RIMS2: variants seen among roughly 807,000 people sequenced by gnomAD.
RIMS2 encodes regulating synaptic membrane exocytosis protein 2.
In RIMS2, 59 loss-of-function variants were observed where a neutral mutation model predicts 174.4. That is an observed-to-expected ratio of 0.34 (90% CI 0.27 to 0.42). RIMS2 has a LOEUF of 0.42. RIMS2 is among the 10% of genes least tolerant of loss of function. RIMS2 has a pLI of 1.00. For synonymous variants in RIMS2, 606 were observed against 572.5 expected (o/e 1.06, Z -0.84); for missense variants, 1,620 against 1,666.3 (o/e 0.97, Z 0.48).
intron 1 of RIMS2, among the ~76,000 whole-genome samples, chr8:103,502,733 A>G (rs964594572): frequency 6.6e-6 from 1 of 152,126 alleles, no homozygotes; most frequent in African/African-American, 2.4e-5. Context: ...ATTGATAAAA[A>G]TCAGTGCGGC....
intron 3 of RIMS2, among the ~76,000 whole-genome samples, chr8:103,855,615 C>A (rs140483179): frequency 1.1e-4 from 17 of 151,988 alleles, no homozygotes; most frequent in African/African-American, 4.1e-4. Context: ...TCAGTGTTTA[C>A]CTATGAGTTA....
At chr8:104,139,959 T>C (rs553228346) in intron 19 of RIMS2, among the ~76,000 whole-genome samples, 10 of 152,148 alleles carry the variant, frequency 6.6e-5, no homozygotes, top group Admixed American at 4.6e-4. Flanking sequence ...TTTTTGAAGG[T>C]TTTCATCCTG....
chr8:104,034,569 A>G (rs1171084520), intron 19 of RIMS2, among the ~76,000 whole-genome samples: 2 of 148,334 alleles, frequency 1.3e-5, no homozygotes, highest in African/African-American at 5.0e-5. Context: ...CTCCTGGTTC[A>G]AGCGATTCTC....
chr8:104,238,875 A>G (rs534737755), intron 19 of RIMS2, among the ~76,000 whole-genome samples: 1 of 152,366 alleles, frequency 6.6e-6, no homozygotes, highest in South Asian at 2.1e-4. Context: ...ATGCAAAAAT[A>G]GCAACTCGTT....
intron 1 of RIMS2, among the ~76,000 whole-genome samples, chr8:103,590,202 A>G (rs2133265310): frequency 6.6e-6 from 1 of 151,498 alleles, no homozygotes; most frequent in South Asian, 2.1e-4. Context: ...CCATAAATAT[A>G]TACACCTACT....
intron 1 of RIMS2, among the ~76,000 whole-genome samples, chr8:103,598,474 G>C (rs568853093): frequency 6.6e-6 from 1 of 152,088 alleles, no homozygotes; most frequent in African/African-American, 2.4e-5. Flanking sequence ...ATTCATTGAG[G>C]TAATAATTTT....
At chr8:103,609,999 G>A (rs1488535420) in intron 1 of RIMS2, among the ~76,000 whole-genome samples, 2 of 152,076 alleles carry the variant, frequency 1.3e-5, no homozygotes, top group African/African-American at 4.8e-5. Context: ...TGTCATCTCT[G>A]ATTTCTTTGA....
At chr8:104,025,446 C>CA (rs1247396658) in intron 19 of RIMS2, among the ~76,000 whole-genome samples, 3 of 152,116 alleles carry the variant, frequency 2.0e-5, no homozygotes, top group Non-Finnish European at 2.9e-5. Context: ...GTGACTGCAC[C>CA]ACCACACTCC....
At chr8:103,607,217 C>T (rs1350052256) in intron 1 of RIMS2, among the ~76,000 whole-genome samples, 3 of 151,884 alleles carry the variant, frequency 2.0e-5, no homozygotes, top group African/African-American at 4.8e-5. Context: ...AATCTCTCAG[C>T]GTTTGCTTGT....
intron 3 of RIMS2, among the ~76,000 whole-genome samples, chr8:103,835,488 A>G (rs1035981392): frequency 1.3e-5 from 2 of 152,208 alleles, no homozygotes; most frequent in Non-Finnish European, 2.9e-5. Flanking sequence ...ACTTGGTGTC[A>G]TCTTCCTCGA....
intron 1 of RIMS2, among the ~76,000 whole-genome samples, chr8:103,629,786 A>C (rs756883925): frequency 2.0e-5 from 3 of 152,138 alleles, no homozygotes; most frequent in Non-Finnish European, 4.4e-5. Context: ...TGAGCTCAAT[A>C]GCAGGACAAG....
intron 19 of RIMS2, among the ~76,000 whole-genome samples, chr8:104,229,620 G>A (rs1661303233): frequency 6.6e-6 from 1 of 152,110 alleles, no homozygotes; most frequent in African/African-American, 2.4e-5. Context: ...GTCTTTGCAT[G>A]GCTGCTTTTT....
At chr8:103,896,047 G>A (rs2099275762) in intron 4 of RIMS2, among the ~76,000 whole-genome samples, 1 of 151,620 alleles carries the variant, frequency 6.6e-6, no homozygotes, top group Non-Finnish European at 1.5e-5. Flanking sequence ...TCTCCCCTGT[G>A]TCTAAGAAGT....
At chr8:103,875,289 G>C (rs1046632570) in intron 3 of RIMS2, among the ~76,000 whole-genome samples, 4 of 151,670 alleles carry the variant, frequency 2.6e-5, no homozygotes, top group Non-Finnish European at 4.4e-5. Context: ...CCAATTCTGA[G>C]TTTCCAATGT....
intron 2 of RIMS2, among the ~76,000 whole-genome samples, chr8:103,742,207 A>T (rs2097768438): frequency 6.6e-6 from 1 of 152,036 alleles, no homozygotes; most frequent in Admixed American, 6.6e-5. Flanking sequence ...CATTCTTGAG[A>T]TGGATATAAA....
intron 3 of RIMS2, among the ~76,000 whole-genome samples, chr8:103,861,330 T>C (rs2099057877): frequency 6.6e-6 from 1 of 152,176 alleles, no homozygotes. Context: ...TGTGGTTGTA[T>C]AATATTCCAT....
At chr8:104,078,506 A>G (rs565551694) in intron 19 of RIMS2, among the ~76,000 whole-genome samples, 1 of 152,178 alleles carries the variant, frequency 6.6e-6, no homozygotes, top group East Asian at 1.9e-4. Context: ...CACCAATCAT[A>G]TTGGATTAGG....
At chr8:103,859,460 A>G (rs1468375106) in intron 3 of RIMS2, among the ~76,000 whole-genome samples, 1 of 152,140 alleles carries the variant, frequency 6.6e-6, no homozygotes, top group African/African-American at 2.4e-5. Flanking sequence ...AGGAGCTAAC[A>G]GAAAGGGGAT....
At chr8:104,165,847 T>A (rs1663135003) in intron 19 of RIMS2, among the ~76,000 whole-genome samples, 1 of 152,164 alleles carries the variant, frequency 6.6e-6, no homozygotes, top group South Asian at 2.1e-4. Flanking sequence ...CAATTATGAT[T>A]AACTGTGTTT....
Sources: gnomAD v4.1 joint callset for allele counts (sites outside exome capture counted in the v4.1 genomes callset) on GRCh38, gnomAD v4.1.1 for gene constraint, MANE v1.5 for transcripts, NCBI Gene and HGNC (gene_info 2026-07-23, HGNC 2026-07-21) for gene names.